Variants in PTPN11 observed in about 807,000 individuals in gnomAD.
The protein encoded by PTPN11 is tyrosine-protein phosphatase non-receptor type 11.
In PTPN11, 6 loss-of-function variants were observed where a neutral mutation model predicts 78.8. The observed-to-expected ratio is 0.08, with a 90% CI of 0.04 to 0.15. The LOEUF (loss-of-function observed/expected upper bound fraction) is 0.15, where lower values mean the gene tolerates loss of function less well. PTPN11 is among the 10% of genes least tolerant of loss of function. PTPN11 has a pLI of 1.00. For missense variants in PTPN11, 386 were observed against 744.8 expected, an observed-to-expected ratio of 0.52 and a Z score of 5.61; for synonymous variants, 221 against 263.5, an observed-to-expected ratio of 0.84 and a Z score of 1.56.
At chr12:112,483,815 G>T (rs771943116) in intron 10 of PTPN11, among the ~76,000 whole-genome samples, 2 of 152,188 alleles carry the variant, frequency 1.3e-5, no homozygotes, top group Non-Finnish European at 2.9e-5. Context: ...AAGGGCGAGG[G>T]TGGTGTGCAG....
At chr12:112,454,810 T>A in intron 5 of PTPN11, 130 bp downstream of exon 5, 3 of 656,374 alleles carry the variant, frequency 4.6e-6, no homozygotes, top group Non-Finnish European at 8.4e-6. Flanking sequence ...CAGCTTCAAC[T>A]ATCAAATCTT....
At chr12:112,479,631 A>G (rs756321862) in intron 9 of PTPN11, among the ~76,000 whole-genome samples, 1 of 152,178 alleles carries the variant, frequency 6.6e-6, no homozygotes, top group African/African-American at 2.4e-5. Context: ...TGCTTCAGGC[A>G]AGGGTTTTTT....
At chr12:112,493,513 C>T (rs2038779453) in intron 13 of PTPN11, among the ~76,000 whole-genome samples, 1 of 151,620 alleles carries the variant, frequency 6.6e-6, no homozygotes, top group Non-Finnish European at 1.5e-5. Flanking sequence ...CTCAGCCTCC[C>T]AAGTAGCTGA....
intron 1 of PTPN11, among the ~76,000 whole-genome samples, chr12:112,422,985 A>G (rs2037548452): frequency 6.6e-6 from 1 of 152,222 alleles, no homozygotes; most frequent in Non-Finnish European, 1.5e-5. Flanking sequence ...TCCAACGCCA[A>G]TGTTTTTAAG....
At chr12:112,429,161 C>T (rs1339479189) in intron 1 of PTPN11, among the ~76,000 whole-genome samples, 1 of 152,150 alleles carries the variant, frequency 6.6e-6, no homozygotes, top group Admixed American at 6.6e-5. Flanking sequence ...GTGAAACTAT[C>T]ATAATTATGC....
intron 1 of PTPN11, among the ~76,000 whole-genome samples, chr12:112,421,304 G>C (rs2037518954): frequency 6.6e-6 from 1 of 152,098 alleles, no homozygotes; most frequent in African/African-American, 2.4e-5. Context: ...GATCAGTTTT[G>C]ACATACATAT....
At chr12:112,439,797 A>C (rs756571949) in intron 1 of PTPN11, among the ~76,000 whole-genome samples, 12 of 130,980 alleles carry the variant, frequency 9.2e-5, no homozygotes, top group African/African-American at 2.7e-4. Flanking sequence ...AAAAAAAAAC[A>C]AAAACAAAAA....
At chr12:112,422,871 A>T (rs932680279) in intron 1 of PTPN11, among the ~76,000 whole-genome samples, 2 of 152,184 alleles carry the variant, frequency 1.3e-5, no homozygotes, top group African/African-American at 4.8e-5. Flanking sequence ...TCATGTTTGT[A>T]ATTGTCCTAG....
intron 11 of PTPN11, among the ~76,000 whole-genome samples, chr12:112,487,984 A>G: frequency 6.6e-6 from 1 of 152,032 alleles, no homozygotes; most frequent in Non-Finnish European, 1.5e-5. Context: ...AGGTTTTGCT[A>G]TGTTGGCCAG....
intron 13 of PTPN11, among the ~76,000 whole-genome samples, chr12:112,490,570 G>A (rs1380796131): frequency 1.3e-5 from 2 of 152,168 alleles, no homozygotes; most frequent in African/African-American, 4.8e-5. Flanking sequence ...GCCTCTCTGA[G>A]TAGTTAGGAC....
At chr12:112,435,687 C>T (rs1297751944) in intron 1 of PTPN11, among the ~76,000 whole-genome samples, 1 of 147,412 alleles carries the variant, frequency 6.8e-6, no homozygotes, top group Non-Finnish European at 1.5e-5. Flanking sequence ...ATATGACTAC[C>T]AGTATAATTT....
chr12:112,427,569 A>ATATATC (rs1259591107), intron 1 of PTPN11, among the ~76,000 whole-genome samples: 2 of 151,316 alleles, frequency 1.3e-5, no homozygotes, highest in African/African-American at 2.4e-5. Flanking sequence ...CTATATATCT[A>ATATATC]TATATCTATA....
At chr12:112,451,718 A>C (rs1384153597) in intron 3 of PTPN11, among the ~76,000 whole-genome samples, 1 of 152,250 alleles carries the variant, frequency 6.6e-6, no homozygotes, top group Non-Finnish European at 1.5e-5. Flanking sequence ...GTCCAAAGAC[A>C]CTGGAGGCTG....
At chr12:112,429,481 CTTTTT>C (rs1177861343) in intron 1 of PTPN11, among the ~76,000 whole-genome samples, 1 of 110,820 alleles carries the variant, frequency 9.0e-6, no homozygotes, top group South Asian at 3.0e-4. Context: ...GTTGAAACTA[CTTTTT>C]TTTTTTTTTT....
intron 6 of PTPN11, among the ~76,000 whole-genome samples, chr12:112,471,714 G>A (rs2038421006): frequency 6.7e-6 from 1 of 149,190 alleles, no homozygotes. Context: ...TGCTACCCTG[G>A]GAGAAAAAAA....
intron 1 of PTPN11, among the ~76,000 whole-genome samples, chr12:112,431,735 T>C (rs2037715948): frequency 6.6e-6 from 1 of 152,174 alleles, no homozygotes; most frequent in African/African-American, 2.4e-5. Context: ...AATTTCTAGT[T>C]CCAAATGTGA....
intron 13 of PTPN11, among the ~76,000 whole-genome samples, chr12:112,501,713 A>G (rs2135928356): frequency 6.6e-6 from 1 of 152,300 alleles, no homozygotes; most frequent in Admixed American, 6.5e-5. Context: ...GAGTGCTACC[A>G]TCTTTCATTC....
intron 13 of PTPN11, among the ~76,000 whole-genome samples, chr12:112,490,832 G>GT (rs2038737066): frequency 2.0e-5 from 3 of 152,154 alleles, no homozygotes; most frequent in Admixed American, 2.0e-4. Flanking sequence ...GCGTTGTGTG[G>GT]TTTGAATCAA....
Position 112,446,286 on chromosome 12 carries a change from C to G in PTPN11, c.25C>G (p.Pro9Ala), listed in dbSNP as rs566068139. The G allele has an allele frequency of 6.2e-7, 1 of 1,613,804 alleles. No homozygotes were observed. The highest frequency in any genetic ancestry group is 1.3e-5 in the African/African-American group (1 of 74,952). The change falls in exon 2 of 16, where the codon CCA becomes GCA. Residue 9 changes from proline (P) to alanine (A), a missense_variant. Physicochemically the swap from Pro to Ala is conservative, Grantham distance 27 (BLOSUM62 -1). Coordinates refer to ENST00000351677, the MANE Select transcript of PTPN11 (RefSeq NM_002834.5). The stretch of plus-strand genomic sequence containing the variant: ...GTCTTTCTTTTTAAGATGGTTTCAC[C>G]CAAATATCACTGGTGTGGAGGCAGA... The part of the protein sequence containing the change: MTSRRWFH[P>A]NITGVEAENL...
Sources: allele counts gnomAD v4.1 joint callset (sites outside exome capture counted in the v4.1 genomes callset), GRCh38; gene constraint gnomAD v4.1.1; transcripts MANE v1.5; gene names NCBI Gene and HGNC (gene_info 2026-07-23, HGNC 2026-07-21).